The following PCBP2 variants were observed in gnomAD, a reference collection of about 807,000 sequenced individuals.
PCBP2 encodes the protein poly(rC) binding protein 2, also known as poly(rC)-binding protein 2.
PCBP2 carries 4 observed loss-of-function variants against 50.1 expected under a neutral mutation model. The ratio of observed to expected loss-of-function variants is 0.08; its 90% CI spans 0.04 to 0.18. The LOEUF is 0.18. PCBP2 is among the 10% of genes least tolerant of loss of function. The pLI is 1.00. For missense variants in PCBP2, 161 were observed against 474.3 expected (o/e 0.34, Z 6.14); for synonymous variants, 179 against 168.0 (o/e 1.07, Z -0.51).
chr12:53,456,991 A>C (rs1052145115), intron 5 of PCBP2, among the ~76,000 whole-genome samples: 1 of 152,158 alleles, frequency 6.6e-6, no homozygotes, highest in African/African-American at 2.4e-5. Context: ...CTTAGAAAAC[A>C]CGTTTTATTC....
intron 14 of PCBP2, among the ~76,000 whole-genome samples, chr12:53,473,740 A>G (rs1215969887): frequency 1.3e-5 from 2 of 151,764 alleles, no homozygotes; most frequent in Non-Finnish European, 2.9e-5. Context: ...AACTTGGTGC[A>G]GTTTAAATGC....
chr12:53,457,089 G>GT (rs1410712119), intron 5 of PCBP2, among the ~76,000 whole-genome samples: 4 of 151,906 alleles, frequency 2.6e-5, no homozygotes, highest in African/African-American at 7.3e-5. Context: ...GTTGTGCTCT[G>GT]TCACCCAGGC....
chr12:53,455,711 C>T (rs1565856356), intron 4 of PCBP2, among the ~76,000 whole-genome samples, 174 bp from the exon 5 acceptor site: 2 of 151,940 alleles, frequency 1.3e-5, no homozygotes, highest in Admixed American at 6.6e-5. Context: ...AGACTTAAGG[C>T]AGCTGCTGTA....
chr12:53,467,858 A>C lies in PCBP2; in HGVS notation c.826+15A>C. ...AGGCTATTGGGGTAATGATTAAAAA[A>C]AAAAAAATCTGTAGTATTCTACTGT... On this transcript the variant is annotated intron_variant, in intron 12 of 14. Transcript: ENST00000546463. The C allele has an allele frequency of 1.3e-6, 2 of 1,593,884 alleles. No homozygotes were observed. The highest frequency in any genetic ancestry group is 1.7e-6 in the Non-Finnish European group (2 of 1,161,764).
At chr12:53,469,676 G>A (rs556600965) in intron 13 of PCBP2, among the ~76,000 whole-genome samples, 37 of 151,804 alleles carry the variant, frequency 2.4e-4, no homozygotes, top group Non-Finnish European at 4.4e-4. Flanking sequence ...GTGGTGAGCC[G>A]AGATCGCGCC....
intron 14 of PCBP2, chr12:53,475,723 C>T (rs1942538191): frequency 6.6e-6 from 1 of 152,274 alleles, no homozygotes; most frequent in Non-Finnish European, 1.5e-5. Context: ...GCTAGGAAGC[C>T]TGTATAACTG....
chr12:53,477,808 G>A (rs1942731933), intron 14 of PCBP2, among the ~76,000 whole-genome samples: 1 of 151,666 alleles, frequency 6.6e-6, no homozygotes, highest in African/African-American at 2.4e-5. Flanking sequence ...CCCAGCTTTT[G>A]GCTTTGCATT....
At chr12:53,471,926 T>A in intron 14 of PCBP2, 119 bp downstream of exon 14, 2 of 614,542 alleles carry the variant, frequency 3.3e-6, no homozygotes. Context: ...GCCAAAAGGT[T>A]TTTTTTTTTT....
At chr12:53,463,023 A>AC (rs1057176356) in intron 8 of PCBP2, among the ~76,000 whole-genome samples, 4 of 151,680 alleles carry the variant, frequency 2.6e-5, no homozygotes, top group Admixed American at 6.6e-5. Context: ...CCCTACTCCT[A>AC]CCCCTTCACT....
intron 5 of PCBP2, among the ~76,000 whole-genome samples, chr12:53,457,560 C>T (rs1023138373): frequency 2.0e-5 from 3 of 150,516 alleles, no homozygotes; most frequent in Non-Finnish European, 4.4e-5. Context: ...TGCCTAGGCT[C>T]GTCTTGAACT....
At chr12:53,459,237 G>T in intron 5 of PCBP2, 35 bp from the exon 6 acceptor site, 1 of 1,543,610 alleles carries the variant, frequency 6.5e-7, no homozygotes, top group Admixed American at 1.9e-5. Flanking sequence ...TAGTTTCCAG[G>T]GATCTGCTTA....
chr12:53,476,217 C>T (rs1295599958), intron 14 of PCBP2: 3 of 152,190 alleles, frequency 2.0e-5, no homozygotes, highest in Non-Finnish European at 4.4e-5. Flanking sequence ...TGGCCGTATC[C>T]TTTCTGCTCC....
chr12:53,479,676 T>TTTTTTTTTTTTGTTTTG lies in PCBP2; in HGVS notation c.*241_*242insTTTTGTTTTGTTTTTTT. ...GTTTTATAAGCTTCTCCCTGGTTTT[T>TTTTTTTTTTTTGTTTTG]TTTTTTTGGCTCATGAATTTTTCTG... is the stretch of plus-strand genomic sequence containing the variant. On this transcript the variant is annotated 3_prime_UTR_variant, in exon 15 of 15. Transcript: ENST00000546463. The TTTTTTTTTTTTGTTTTG allele has an allele frequency of 2.6e-6, 1 of 387,604 alleles. No individual in the cohort carries two copies. The highest frequency in any genetic ancestry group is 4.6e-6 in the Non-Finnish European group (1 of 217,142). The allele number at this position is 387,604 out of a possible 1,614,324, so 24.0% of individuals were successfully genotyped here. A position where few individuals can be genotyped will look rare whatever the true frequency, so the allele number is the denominator to read the frequency against.
chr12:53,457,172 G>T (rs1219071363), intron 5 of PCBP2, among the ~76,000 whole-genome samples: 1 of 151,724 alleles, frequency 6.6e-6, no homozygotes, highest in East Asian at 1.9e-4. Context: ...TTAGCTTCCT[G>T]AGTAGCTGGG....
At chr12:53,464,496 C>G (rs2137063033) in intron 8 of PCBP2, 1 of 419,052 alleles carries the variant, frequency 2.4e-6, no homozygotes, top group Non-Finnish European at 4.2e-6. Context: ...TCAACTTAAT[C>G]CCACACTGAC....
Position 53,480,622 on chromosome 12 carries a change from A to G in PCBP2, c.*1180A>G, listed in dbSNP as rs1394854490. On this transcript the variant is annotated 3_prime_UTR_variant, in exon 15 of 15. Coordinates refer to ENST00000546463, the MANE Select transcript of PCBP2 (RefSeq NM_031989.5). ...CCCCGGTTCTTCAGCCTGAGCCATC[A>G]CATGCTATCAGTCTCCTAACCTCCC... 3.3e-5 allele frequency: 5 copies of G among 152,640 alleles called. No individual in the cohort carries two copies. Among genetic ancestry groups the G allele is most frequent in the Non-Finnish European group, 2.9e-5 (2 of 68,090 alleles). The allele number at this position is 152,640 out of a possible 1,614,324, so 9.5% of individuals were successfully genotyped here.
intron 5 of PCBP2, among the ~76,000 whole-genome samples, chr12:53,456,598 T>C (rs562718130): frequency 2.6e-5 from 4 of 152,372 alleles, no homozygotes; most frequent in African/African-American, 7.2e-5. Context: ...CAAACTAATA[T>C]GGTTTACCTG....
chr12:53,475,287 G>C, intron 14 of PCBP2: 1 of 401,444 alleles, frequency 2.5e-6, no homozygotes, highest in Non-Finnish European at 5.1e-6. Context: ...ACATTGGTGA[G>C]AATGAAACTA....
chr12:53,460,848 C>T (rs762921515), intron 6 of PCBP2, 167 bp from the exon 7 acceptor site: 9 of 630,566 alleles, frequency 1.4e-5, no homozygotes, highest in Non-Finnish European at 2.1e-5. Context: ...CTCTAATTCA[C>T]TAAACAGTCC....
Sources: gnomAD v4.1 joint callset for allele counts (sites outside exome capture counted in the v4.1 genomes callset) on GRCh38, gnomAD v4.1.1 for gene constraint, MANE v1.5 for transcripts, NCBI Gene and HGNC (gene_info 2026-07-23, HGNC 2026-07-21) for gene names.